Variants in DPP6 observed in about 807,000 individuals in gnomAD.
The protein encoded by DPP6 is dipeptidyl peptidase like 6, also known as A-type potassium channel modulatory protein DPP6.
DPP6 carries 69 observed loss-of-function variants against 122.6 expected under a neutral mutation model. The ratio of observed to expected loss-of-function variants is 0.56; its 90% CI spans 0.46 to 0.69. The LOEUF (loss-of-function observed/expected upper bound fraction) is 0.69, where lower values mean the gene tolerates loss of function less well. Ranked by LOEUF, DPP6 falls within the 30% of genes least tolerant of loss-of-function variation. The pLI is 0.00. For missense variants in DPP6, 928 were observed against 1,116.9 expected (o/e 0.83, Z 2.41); for synonymous variants, 418 against 433.1 (o/e 0.97, Z 0.43).
intron 10 of DPP6, among the ~76,000 whole-genome samples, chr7:154,779,858 G>C (rs1459071257): frequency 6.6e-6 from 1 of 152,108 alleles, no homozygotes; most frequent in Non-Finnish European, 1.5e-5. Context: ...CCTAAACATA[G>C]TCCTAACCTC....
chr7:154,865,795 T>A (rs1803819191), intron 17 of DPP6, among the ~76,000 whole-genome samples: 1 of 152,122 alleles, frequency 6.6e-6, no homozygotes. Context: ...TTTAGTTTCC[T>A]GGGGCCACAT....
At chr7:154,008,814 A>G (rs1798032365) in intron 1 of DPP6, among the ~76,000 whole-genome samples, 1 of 151,318 alleles carries the variant, frequency 6.6e-6, no homozygotes, top group Non-Finnish European at 1.5e-5. Context: ...GGCGCCCGCC[A>G]CTACGCCCGG....
intron 1 of DPP6, among the ~76,000 whole-genome samples, chr7:154,126,767 T>G (rs1340998611): frequency 6.6e-6 from 1 of 152,152 alleles, no homozygotes; most frequent in Non-Finnish European, 1.5e-5. Context: ...TTTGCAGACA[T>G]TAAAAAGGAT....
At chr7:153,885,191 G>A (rs1798865239), upstream of DPP6, among the ~76,000 whole-genome samples, 1 of 151,616 alleles carries the variant, frequency 6.6e-6, no homozygotes, top group South Asian at 2.1e-4. Flanking sequence ...TATTAACCCT[G>A]CTTACAATCG....
chr7:153,763,377 GAAAA>G, the DPP6 span, among the ~76,000 whole-genome samples: 2 of 128,686 alleles, frequency 1.6e-5, no homozygotes, highest in African/African-American at 5.7e-5. Context: ...GTACAAGTAA[GAAAA>G]AAAAAAAAAA....
At chr7:154,623,651 A>G (rs9642629) in intron 5 of DPP6, among the ~76,000 whole-genome samples, 2 of 144,672 alleles carry the variant, frequency 1.4e-5, no homozygotes, top group African/African-American at 2.7e-5. Context: ...ACGCGCACAC[A>G]CGCGCACACA....
chr7:154,227,157 T>C (rs1800653011), intron 1 of DPP6, among the ~76,000 whole-genome samples: 1 of 149,962 alleles, frequency 6.7e-6, no homozygotes, highest in Non-Finnish European at 1.5e-5. Context: ...TCACAATAGC[T>C]GAGATGTGGA....
rs568439429 is a variant in DPP6 at position 154,079,331 on chromosome 7, G to A, written c.243+26268G>A. The stretch of plus-strand genomic sequence containing the variant: ...TTATTGGGCACCTGTTACCTGTTCA[G>A]CAGAGATTTGTAAAAAAAGACACAT... On this transcript the variant is annotated intron_variant, in intron 1 of 25. Coordinates refer to ENST00000377770, the MANE Select transcript of DPP6 (RefSeq NM_130797.4). Among the ~76,000 whole-genome samples, 168 of 142,836 alleles carry A rather than the reference G, an allele frequency of 1.2e-3. 1 individual carries two copies. Among genetic ancestry groups the A allele is most frequent in the African/African-American group, 4.1e-3 (163 of 39,288 alleles). 93.7% of individuals were successfully genotyped at this position (142,836 alleles called of 152,430 possible).
At chr7:154,708,161 T>G (rs1411814559) in intron 7 of DPP6, among the ~76,000 whole-genome samples, 1 of 152,248 alleles carries the variant, frequency 6.6e-6, no homozygotes, top group Non-Finnish European at 1.5e-5. Flanking sequence ...ATTTTAGGAC[T>G]ACTTCCATGG....
intron 3 of DPP6, 80 bp downstream of exon 3, chr7:154,475,117 T>G (rs566286276): frequency 1.8e-6 from 2 of 1,091,080 alleles, no homozygotes; most frequent in Non-Finnish European, 2.8e-6. Context: ...TCTAGTAATT[T>G]GCCTCTCGGA....
At chr7:154,125,289 C>A (rs924910825) in intron 1 of DPP6, among the ~76,000 whole-genome samples, 2 of 152,212 alleles carry the variant, frequency 1.3e-5, no homozygotes, top group African/African-American at 4.8e-5. Context: ...AAAACTCATT[C>A]TTCGAAGTCC....
intron 16 of DPP6, among the ~76,000 whole-genome samples, chr7:154,813,274 G>A (rs10246034): frequency 0.014 from 2,091 of 151,752 alleles, 45 homozygotes; most frequent in African/African-American, 0.048. Context: ...TATTAGAGAC[G>A]GGTTTTCACT....
At chr7:154,652,405 GTTTT>G (rs55681006) in intron 6 of DPP6, among the ~76,000 whole-genome samples, 76,901 of 143,224 alleles carry the variant, frequency 0.54, 21,071 homozygotes, top group South Asian at 0.66. Flanking sequence ...TAAGTCTGTG[GTTTT>G]TTTTTTTTTT....
intron 5 of DPP6, among the ~76,000 whole-genome samples, chr7:154,574,214 TGTGTGTGTGGC>T (rs1180575494): frequency 2.7e-5 from 4 of 150,936 alleles, no homozygotes; most frequent in East Asian, 2.0e-4. Context: ...GTGTGGGGTC[TGTGTGTGTGGC>T]GTGTGTGTGG....
chr7:154,278,979 G>A (rs1442212811), intron 1 of DPP6, among the ~76,000 whole-genome samples: 1 of 152,006 alleles, frequency 6.6e-6, no homozygotes, highest in African/African-American at 2.4e-5. Flanking sequence ...GTGTATATAT[G>A]TGTGTGTGCA....
At chr7:154,063,292 C>G (rs1352271009) in intron 1 of DPP6, among the ~76,000 whole-genome samples, 1 of 127,668 alleles carries the variant, frequency 7.8e-6, no homozygotes, top group East Asian at 2.4e-4. Context: ...GGGGAGGGAC[C>G]CCCCATGAGG....
intron 1 of DPP6, among the ~76,000 whole-genome samples, chr7:154,099,131 A>T (rs1054402255): frequency 2.6e-5 from 4 of 151,596 alleles, no homozygotes; most frequent in Admixed American, 2.6e-4. Flanking sequence ...CCATGTAAGG[A>T]TAGGGGCTCA....
chr7:154,464,979 C>T (rs1303152696), intron 2 of DPP6, among the ~76,000 whole-genome samples: 2 of 152,124 alleles, frequency 1.3e-5, no homozygotes, highest in Non-Finnish European at 2.9e-5. Flanking sequence ...AAATTAGGTG[C>T]AGTCAGAAAT....
chr7:154,442,306 T>C (rs1381283028), intron 1 of DPP6, among the ~76,000 whole-genome samples: 1 of 152,178 alleles, frequency 6.6e-6, no homozygotes, highest in African/African-American at 2.4e-5. Context: ...CATACTAAGA[T>C]AATATATATT....
Sources: allele counts gnomAD v4.1 joint callset (sites outside exome capture counted in the v4.1 genomes callset), GRCh38; gene constraint gnomAD v4.1.1; transcripts MANE v1.5; gene names NCBI Gene and HGNC (gene_info 2026-07-23, HGNC 2026-07-21).